Variants in SH3BP2 observed in about 807,000 individuals in gnomAD.
SH3BP2 encodes the protein SH3 domain binding protein 2, also known as SH3 domain-binding protein 2.
Under a neutral mutation model 56.2 loss-of-function variants are expected in SH3BP2, and 38 were observed. That is an observed-to-expected ratio of 0.68 (90% CI 0.52 to 0.89). The LOEUF (loss-of-function observed/expected upper bound fraction) is 0.89, where lower values mean the gene tolerates loss of function less well. Ranked by LOEUF, SH3BP2 falls within the 40% of genes least tolerant of loss-of-function variation. The pLI is 0.00. For synonymous variants in SH3BP2, 346 were observed against 316.7 expected (o/e 1.09, Z -0.98); for missense variants, 748 against 762.6 (o/e 0.98, Z 0.23).
rs2857863 is a variant in SH3BP2, at chr4:2,823,625, A to G, written c.239+588A>G. 1.2e-5 allele frequency: 5 copies of G among 425,482 alleles called. No homozygotes were observed. In the East Asian group the frequency reaches 3.5e-4, roughly 30 times the overall value. 26.4% of individuals were successfully genotyped at this position (425,482 alleles called of 1,614,324 possible). A position where few individuals can be genotyped will look rare whatever the true frequency, so the allele number is the denominator to read the frequency against. ...GTGGGGGAGTGCACTGGCACAGCCC[A>G]TGGCCTGGGGCCCACACAAAGGGTT... On this transcript the variant is annotated intron_variant, in intron 3 of 12. Transcript: ENST00000503393.
At chr4:2,807,527 C>A (rs1723581550) in intron 1 of SH3BP2, among the ~76,000 whole-genome samples, 1 of 152,164 alleles carries the variant, frequency 6.6e-6, no homozygotes, top group Non-Finnish European at 1.5e-5. Context: ...TTGGAGATTT[C>A]AGAGAAGAGG....
intron 1 of SH3BP2, among the ~76,000 whole-genome samples, chr4:2,803,931 C>T (rs1005577610): frequency 5.3e-5 from 8 of 152,106 alleles, no homozygotes; most frequent in Non-Finnish European, 7.4e-5. Context: ...GCTTGGATCC[C>T]GGGTGCAGGG....
chr4:2,823,108 T>G (rs1408357822), intron 3 of SH3BP2, 71 bp downstream of exon 3: 1 of 1,126,152 alleles, frequency 8.9e-7, no homozygotes, highest in Non-Finnish European at 1.3e-6. Context: ...GAGCCCCAGC[T>G]GGGCCTGCCC....
chr4:2,799,252 AC>A (rs2108697003), intron 1 of SH3BP2: 2 of 985,360 alleles, frequency 2.0e-6, no homozygotes, highest in Non-Finnish European at 2.4e-6. Flanking sequence ...CGGGACCCTC[AC>A]CGCGACTGGA....
At position 2,829,498 on chromosome 4, in the gene SH3BP2, C is replaced by T. The variant is rs372580741; in HGVS notation, c.592C>T (p.Leu198=). The T allele has an allele frequency of 6.2e-7, 1 of 1,613,468 alleles. No homozygotes were observed. The highest frequency in any genetic ancestry group is 8.5e-7 in the Non-Finnish European group (1 of 1,179,970). ...CGGGTCTCTTTGCTCTGCAGATGCC[C>T]TGATGCACCCACCGGCTTACCCACC... The part of the protein sequence containing the change: ...SPEPGRLEDA[L]MHPPAYPPPP... Residue 198 remains leucine, a synonymous_variant, in exon 8 of 13, where the codon CTG becomes TTG. Coordinates refer to ENST00000503393, the MANE Select transcript of SH3BP2 (RefSeq NM_001122681.2). The surrounding 1 kb of genome is among the most constrained non-coding windows in gnomAD (Gnocchi z 4.9).
rs564222224 is a variant in SH3BP2, at chr4:2,831,113, G to A, written c.1242-458G>A. On this transcript the variant is annotated intron_variant, in intron 8 of 12. Coordinates refer to ENST00000503393, the MANE Select transcript of SH3BP2 (RefSeq NM_001122681.2). This position sits in a 1 kb window ranked among gnomAD's most constrained non-coding sequence, Gnocchi z 4.1. ...GTTAATCCTCCCTAGAGCCTTTGAG[G>A]CTTTGCTGAGCAGGACCGGCTAGCC... 1.3e-5 allele frequency among the ~76,000 whole-genome samples: 2 copies of A among 152,386 alleles called. No homozygotes were observed. The highest frequency in any genetic ancestry group is 4.1e-4 in the South Asian group (2 of 4,832).
Position 2,819,467 on chromosome 4 carries a change from T to G in SH3BP2, c.-4-1147T>G, listed in dbSNP as rs1466920023. Among the ~76,000 whole-genome samples the G allele has an allele frequency of 3.3e-5, 5 of 152,022 alleles. No individual in the cohort carries two copies. In the East Asian group the frequency reaches 9.6e-4, roughly 29 times the overall value. On this transcript the variant is annotated intron_variant, in intron 1 of 12. Coordinates refer to ENST00000503393, the MANE Select transcript of SH3BP2 (RefSeq NM_001122681.2). The stretch of plus-strand genomic sequence containing the variant: ...TTTTCTTTATGTATGTTTTTTGGGG[T>G]TGGAGCTGTAGTGGAACCAGTCCCA...
At chr4:2,800,299 C>A (rs1236345793) in intron 1 of SH3BP2, among the ~76,000 whole-genome samples, 2 of 152,264 alleles carry the variant, frequency 1.3e-5, no homozygotes, top group African/African-American at 4.8e-5. Flanking sequence ...CCAGAGCTGC[C>A]TCCCTGGGGA....
chr4:2,825,068 G>A (rs1724524241), intron 4 of SH3BP2, 58 bp from the exon 5 acceptor site: 1 of 1,445,002 alleles, frequency 6.9e-7, no homozygotes, highest in Non-Finnish European at 9.5e-7. Context: ...AAGGTGGAGG[G>A]GTGCGGTGGG....
chr4:2,829,874 T>C lies in SH3BP2; in HGVS notation c.968T>C (p.Met323Thr). Residue 323 changes from methionine (M) to threonine (T), a missense_variant, in exon 8 of 13, where the codon ATG becomes ACG. Met to Thr is a moderately conservative substitution (Grantham distance 81, BLOSUM62 -1). This residue lies in a region of SH3BP2 where 635 missense variants were observed against 615.0 expected (regional missense o/e 1.03). Transcript: ENST00000503393. The surrounding 1 kb of genome is among the most constrained non-coding windows in gnomAD (Gnocchi z 4.9). Reference sequence around the variant, plus strand: ...TGCTCCACTTCCAGTGCTGCCATCATGGCCACTGCCACCTCCAGAAACTGT... The same window carrying C: ...TGCTCCACTTCCAGTGCTGCCATCACGGCCACTGCCACCTCCAGAAACTGT... ...GACSTSSAAIMATATSRNCDK... is the reference protein window; with the variant it reads ...GACSTSSAAITATATSRNCDK... The C allele has an allele frequency of 6.2e-7, 1 of 1,613,864 alleles. No homozygotes were observed. Among genetic ancestry groups the C allele is most frequent in the South Asian group, 1.1e-5 (1 of 91,086 alleles).
At chr4:2,832,841 G>A in intron 11 of SH3BP2, 149 bp from the exon 12 acceptor site, 1 of 781,594 alleles carries the variant, frequency 1.3e-6, no homozygotes, top group African/African-American at 1.7e-5. Flanking sequence ...CGCTGTCCTT[G>A]TGCAGGTGGT....
At chr4:2,833,647 C>T in intron 12 of SH3BP2, 50 bp from the exon 13 acceptor site, 1 of 1,583,636 alleles carries the variant, frequency 6.3e-7, no homozygotes. Flanking sequence ...AGGCCTAGAG[C>T]CGCAGAGTGG....
chr4:2,812,344 G>A, intron 1 of SH3BP2: 1 of 1,550,140 alleles, frequency 6.5e-7, no homozygotes, highest in South Asian at 1.2e-5. Flanking sequence ...AGGCGCGTCA[G>A]GCCTCACATG....
At chr4:2,798,275 G>A (rs541021954) in intron 1 of SH3BP2, among the ~76,000 whole-genome samples, 1 of 152,346 alleles carries the variant, frequency 6.6e-6, no homozygotes, top group African/African-American at 2.4e-5. Context: ...CTAAACGTGT[G>A]TTGGCTTGAG....
At position 2,818,093 on chromosome 4, in the gene SH3BP2, C is replaced by CA. The variant is rs1724081980; in HGVS notation, c.-4-2520dup. ...GGGAAACTGAGGCCCGCAGGGGGCTCACGTGCCTCCCGCGCACGGTGACGC... is the reference window on the plus strand; with the variant it reads ...GGGAAACTGAGGCCCGCAGGGGGCTCAACGTGCCTCCCGCGCACGGTGACGC... On this transcript the variant is annotated intron_variant, in intron 1 of 12. Transcript: ENST00000503393. 3.8e-5 allele frequency: 18 copies of CA among 479,360 alleles called. No homozygotes were observed. In the South Asian group the frequency reaches 1.2e-3, roughly 33 times the overall value. 29.7% of individuals were successfully genotyped at this position (479,360 alleles called of 1,614,324 possible). A position where few individuals can be genotyped will look rare whatever the true frequency, so the allele number is the denominator to read the frequency against.
rs777288422 is a variant in SH3BP2 at position 2,831,728 on chromosome 4, G to A, written c.1350+49G>A. The stretch of plus-strand genomic sequence containing the variant: ...GTCCCAGTGGCCAGTAGGTGGACAG[G>A]TGGTGGGAAAGCCATAGGCCAGGGC... On this transcript the variant is annotated intron_variant, in intron 9 of 12. Coordinates refer to ENST00000503393, the MANE Select transcript of SH3BP2 (RefSeq NM_001122681.2). This position sits in a 1 kb window ranked among gnomAD's most constrained non-coding sequence, Gnocchi z 4.1. 1 of 1,498,408 alleles carries A rather than the reference G, an allele frequency of 6.7e-7. No individual in the cohort carries two copies. The highest frequency in any genetic ancestry group is 1.7e-4 in the Middle Eastern group (1 of 5,892). 92.8% of individuals were successfully genotyped at this position (1,498,408 alleles called of 1,614,324 possible). A position where few individuals can be genotyped will look rare whatever the true frequency, so the allele number is the denominator to read the frequency against.
intron 1 of SH3BP2, among the ~76,000 whole-genome samples, chr4:2,802,692 T>C (rs909916727): frequency 7.3e-6 from 1 of 137,820 alleles, no homozygotes; most frequent in African/African-American, 3.0e-5. Context: ...TATGTATATA[T>C]GTATGTATGT....
rs750661822 is a variant in SH3BP2 at position 2,832,449 on chromosome 4, G to A, written c.1488+37G>A. The A allele has an allele frequency of 5.2e-6, 8 of 1,531,864 alleles. No individual in the cohort carries two copies. The South Asian group carries it at 8.9e-5, about 17-fold the overall frequency. The allele number at this position is 1,531,864 out of a possible 1,614,324, so 94.9% of individuals were successfully genotyped here. A position where few individuals can be genotyped will look rare whatever the true frequency, so the allele number is the denominator to read the frequency against. On this transcript the variant is annotated intron_variant, in intron 11 of 12. Transcript: ENST00000503393. ...GGGAAGATGCCCCAGGGCCCCTCTG[G>A]CTCTCCACACACCCAGGCTGTGGGT...
At chr4:2,827,433 G>A in intron 6 of SH3BP2, 115 bp downstream of exon 6, 2 of 1,203,780 alleles carry the variant, frequency 1.7e-6, no homozygotes, top group Non-Finnish European at 1.2e-6. Flanking sequence ...TGGCCCTTTG[G>A]CAGTGCGCAG....
Sources: allele counts gnomAD v4.1 joint callset (sites outside exome capture counted in the v4.1 genomes callset), GRCh38; gene constraint gnomAD v4.1.1; regional missense constraint gnomAD v4.1.1; non-coding constraint Gnocchi (gnomAD v3.1); transcripts MANE v1.5; gene names NCBI Gene and HGNC (gene_info 2026-07-23, HGNC 2026-07-21).